The following SERINC5 variants were observed in gnomAD, a reference collection of about 807,000 sequenced individuals.
The protein encoded by SERINC5 is serine incorporator 5.
A neutral mutation model predicts 63.1 loss-of-function variants in SERINC5; 41 were observed. The ratio of observed to expected loss-of-function variants is 0.65; its 90% CI spans 0.51 to 0.84. The LOEUF (loss-of-function observed/expected upper bound fraction) is 0.84, where lower values mean the gene tolerates loss of function less well. Among genes scored for constraint, SERINC5 ranks in the 40% least tolerant of loss-of-function variants. The probability of loss-of-function intolerance (pLI) is 0.00; values close to 1 mark genes in which losing one functional copy is unlikely to be tolerated. For missense variants in SERINC5, 523 were observed against 573.0 expected, an observed-to-expected ratio of 0.91 and a Z score of 0.89; for synonymous variants, 222 against 215.2, an observed-to-expected ratio of 1.03 and a Z score of -0.28.
At chr5:80,210,897 C>T (rs1293779461) in intron 1 of SERINC5, among the ~76,000 whole-genome samples, 1 of 152,174 alleles carries the variant, frequency 6.6e-6, no homozygotes, top group Non-Finnish European at 1.5e-5. Flanking sequence ...AACGGATGGG[C>T]AGCGGCTGCC....
At chr5:80,173,801 C>T (rs1392038753) in intron 5 of SERINC5, among the ~76,000 whole-genome samples, 2 of 151,980 alleles carry the variant, frequency 1.3e-5, no homozygotes, top group Non-Finnish European at 2.9e-5. Flanking sequence ...CCCCTGACAC[C>T]TTTTCACCTT....
rs972462195 is a variant in SERINC5 at position 80,171,037 on chromosome 5, G to A, written c.552-1491C>T. Among the ~76,000 whole-genome samples the A allele has an allele frequency of 4.6e-5, 7 of 152,148 alleles. No individual in the cohort carries two copies. In the East Asian group the frequency reaches 1.2e-3, roughly 25 times the overall value. On this transcript the variant is annotated intron_variant, in intron 5 of 11. Transcript: ENST00000507668. Reference sequence around the variant, plus strand: ...TTATTTTATTTTTTTTTGAGACAGAGTCTTGCTCTGTCGCCCAGGCTGGAG... The same window carrying A: ...TTATTTTATTTTTTTTTGAGACAGAATCTTGCTCTGTCGCCCAGGCTGGAG...
At chr5:80,137,220 C>T (rs1330801626), downstream of SERINC5, among the ~76,000 whole-genome samples, 5 of 150,292 alleles carry the variant, frequency 3.3e-5, no homozygotes, top group Non-Finnish European at 4.4e-5. Flanking sequence ...AGCAATCCCA[C>T]TAATGGGTAT....
intron 1 of SERINC5, among the ~76,000 whole-genome samples, chr5:80,236,157 C>T (rs1199503930): frequency 3.9e-5 from 6 of 152,124 alleles, no homozygotes; most frequent in Non-Finnish European, 5.9e-5. Flanking sequence ...GGGAGAGTGA[C>T]GGTCCTCCCC....
In SERINC5 at chr5:80,219,202, C is replaced by T. The variant is rs536775409; in HGVS notation, c.28-16149G>A. ...GGGCCCACACTAACCTCTCAAGACGCATGTCCCTCCTACAGGGTCGCCCTC... is the reference window on the plus strand; with the variant it reads ...GGGCCCACACTAACCTCTCAAGACGTATGTCCCTCCTACAGGGTCGCCCTC... On this transcript the variant is annotated intron_variant, in intron 1 of 11. Coordinates refer to ENST00000507668, the MANE Select transcript of SERINC5 (RefSeq NM_001174072.3). Among the ~76,000 whole-genome samples the T allele has an allele frequency of 3.9e-5, 6 of 152,306 alleles. No individual in the cohort carries two copies. The East Asian group carries it at 9.7e-4, about 25-fold the overall frequency.
chr5:80,121,538 G>A (rs573336849), intron 11 of SERINC5, among the ~76,000 whole-genome samples: 14 of 152,268 alleles, frequency 9.2e-5, no homozygotes, highest in African/African-American at 3.4e-4. Context: ...CTCGACATGA[G>A]ATTTGGAGGG....
chr5:80,190,129 T>TG (rs1749093041), intron 2 of SERINC5, among the ~76,000 whole-genome samples: 1 of 86,372 alleles, frequency 1.2e-5, no homozygotes, highest in Non-Finnish European at 2.4e-5. Flanking sequence ...TTTTTTTTTT[T>TG]GAGACAGGGT....
intron 11 of SERINC5, among the ~76,000 whole-genome samples, chr5:80,129,830 T>C (rs2112252396): frequency 6.6e-6 from 1 of 152,312 alleles, no homozygotes; most frequent in Non-Finnish European, 1.5e-5. Flanking sequence ...ATTCCTTAAA[T>C]TGGAATTGCG....
At chr5:80,164,509 G>A (rs1747142840) in intron 7 of SERINC5, among the ~76,000 whole-genome samples, 1 of 152,080 alleles carries the variant, frequency 6.6e-6, no homozygotes, top group Admixed American at 6.6e-5. Context: ...AGCCTCCAGA[G>A]TAGCTGGGAC....
At position 80,174,451 on chromosome 5, in the gene SERINC5, C is replaced by T. The variant is rs150477180; in HGVS notation, c.551+503G>A. On this transcript the variant is annotated intron_variant, in intron 5 of 11. Coordinates refer to ENST00000507668, the MANE Select transcript of SERINC5 (RefSeq NM_001174072.3). ...TACTGAAATCTGCATCTCCTGGTTG[C>T]CAGGCCCATGACCTTTCTATCCTAC... Among the ~76,000 whole-genome samples, 929 of 151,328 alleles carry T rather than the reference C, an allele frequency of 6.1e-3. 7 individuals are homozygous for T. Among genetic ancestry groups the T allele is most frequent in the African/African-American group, 0.021 (884 of 41,254 alleles).
intron 5 of SERINC5, among the ~76,000 whole-genome samples, chr5:80,170,802 A>G (rs1178772041): frequency 6.6e-6 from 1 of 152,120 alleles, no homozygotes; most frequent in Non-Finnish European, 1.5e-5. Flanking sequence ...AATCACTTGA[A>G]GCTAGGAGCT....
chr5:80,241,401 G>A (rs968773276), intron 1 of SERINC5, among the ~76,000 whole-genome samples: 4 of 152,044 alleles, frequency 2.6e-5, no homozygotes, highest in Admixed American at 6.6e-5. Flanking sequence ...CCCAGGAGTC[G>A]GAGGTTGCAG....
intron 1 of SERINC5, among the ~76,000 whole-genome samples, chr5:80,210,172 C>A (rs1318322139): frequency 6.6e-6 from 1 of 152,196 alleles, no homozygotes; most frequent in African/African-American, 2.4e-5. Flanking sequence ...CTCCCGCAAA[C>A]ATACTGCAAA....
chr5:80,177,366 C>G lies in SERINC5; in HGVS notation c.406G>C (p.Ala136Pro). Residue 136 changes from alanine to proline, a missense_variant, in exon 4 of 12, where the codon GCC (alanine) becomes CCC (proline). Physicochemically the swap from Ala to Pro is conservative, Grantham distance 27. Coordinates refer to ENST00000507668, the MANE Select transcript of SERINC5 (RefSeq NM_001174072.3). ...FWFFKLLLLG[A>P]MCSGAFFIPD... ...ATGAAGAAAGCTCCTGAGCACATGG[C>G]CCCCAACAGCAGAAGTTTAAAGAAC... The G allele has an allele frequency of 6.2e-7, 1 of 1,613,418 alleles. No homozygotes were observed.
chr5:80,160,985 T>C (rs1746860122), intron 7 of SERINC5, among the ~76,000 whole-genome samples: 2 of 148,898 alleles, frequency 1.3e-5, no homozygotes, highest in Admixed American at 6.7e-5. Context: ...TATATATGTG[T>C]GTATATGTAT....
At chr5:80,129,059 A>G (rs1371888698) in intron 11 of SERINC5, 1 of 152,236 alleles carries the variant, frequency 6.6e-6, no homozygotes, top group Non-Finnish European at 1.5e-5. Flanking sequence ...GCTTAGATGG[A>G]AAGTCCACTC....
chr5:80,137,139 C>CAAAAAA (rs869035894), downstream of SERINC5, among the ~76,000 whole-genome samples: 16 of 67,706 alleles, frequency 2.4e-4, no homozygotes, highest in African/African-American at 6.7e-4. Flanking sequence ...GACCCTGTCT[C>CAAAAAA]AAAAAAAAAA....
chr5:80,222,922 C>T (rs559149484), intron 1 of SERINC5, among the ~76,000 whole-genome samples: 1 of 152,146 alleles, frequency 6.6e-6, no homozygotes, highest in African/African-American at 2.4e-5. Flanking sequence ...TACAGTGGTA[C>T]GGTCACAGCT....
chr5:80,147,986 C>A (rs1745928899), intron 9 of SERINC5, among the ~76,000 whole-genome samples: 1 of 152,020 alleles, frequency 6.6e-6, no homozygotes, highest in Non-Finnish European at 1.5e-5. Flanking sequence ...GATGGGGACA[C>A]CAAGATCCAT....
Sources: allele counts gnomAD v4.1 joint callset (sites outside exome capture counted in the v4.1 genomes callset), GRCh38; gene constraint gnomAD v4.1.1; transcripts MANE v1.5; gene names NCBI Gene and HGNC (gene_info 2026-07-23, HGNC 2026-07-21).